Variants in PRH1 observed in about 807,000 individuals in gnomAD.
PRH1 encodes proline rich protein HaeIII subfamily 1, also known as salivary acidic proline-rich phosphoprotein 1/2.
Under a neutral mutation model 7.9 loss-of-function variants are expected in PRH1, and 7 were observed. That is an observed-to-expected ratio of 0.89 (90% CI 0.50 to 1.67). The LOEUF is 1.67. Among genes scored for constraint, PRH1 ranks in the 40% most tolerant of loss-of-function variants. PRH1 has a pLI of 0.00. For synonymous variants in PRH1, 45 were observed against 80.8 expected, an observed-to-expected ratio of 0.56 and a Z score of 2.38; for missense variants, 109 against 223.6, an observed-to-expected ratio of 0.49 and a Z score of 3.27.
In PRH1 at chr12:10,883,127, G is replaced by A. The variant is rs781202148; in HGVS notation, c.65-31C>T. Reference sequence around the variant, plus strand: ...AAAGAAGTACAGGATGATGGGAAAAGTTACTTCCTGAATCATTCAAGGCTC... The same window carrying A: ...AAAGAAGTACAGGATGATGGGAAAAATTACTTCCTGAATCATTCAAGGCTC... On this transcript the variant is annotated intron_variant, in intron 1 of 3. Coordinates refer to ENST00000543626, the MANE Select transcript of PRH1 (RefSeq NM_001393989.1). 1.9e-6 allele frequency: 3 copies of A among 1,607,918 alleles called. No individual in the cohort carries two copies. In the African/African-American group the frequency reaches 4.0e-5, roughly 22 times the overall value.
intron 1 of PRH1, among the ~76,000 whole-genome samples, chr12:11,002,488 A>C (rs1940640924): frequency 6.6e-6 from 1 of 152,056 alleles, no homozygotes; most frequent in Non-Finnish European, 1.5e-5. Flanking sequence ...AGTGCCCTAC[A>C]ACAAAGAGTA....
At chr12:10,917,618 A>G (rs544145263) in intron 2 of PRH1, among the ~76,000 whole-genome samples, 1 of 152,324 alleles carries the variant, frequency 6.6e-6, no homozygotes, top group African/African-American at 2.4e-5. Flanking sequence ...GCAGTTACGG[A>G]CAGTTTTCCT....
At chr12:11,135,046 G>A (rs976638764) in intron 1 of PRH1, among the ~76,000 whole-genome samples, 1 of 152,032 alleles carries the variant, frequency 6.6e-6, no homozygotes, top group African/African-American at 2.4e-5. Context: ...TTCAGCCCAC[G>A]AATAATGTTT....
intron 1 of PRH1, among the ~76,000 whole-genome samples, chr12:10,990,178 G>A (rs924912388): frequency 1.3e-5 from 2 of 152,160 alleles, no homozygotes; most frequent in African/African-American, 4.8e-5. Context: ...CACACCTATA[G>A]AGAACTCATG....
chr12:11,062,400 G>A (rs924352133), intron 1 of PRH1: 3 of 1,304,454 alleles, frequency 2.3e-6, no homozygotes, highest in East Asian at 2.5e-5. Flanking sequence ...ATTTGTGTAT[G>A]TGCTGTGACA....
At chr12:11,144,225 C>T (rs34000114) in intron 1 of PRH1, among the ~76,000 whole-genome samples, 66,680 of 151,690 alleles carry the variant, frequency 0.44, 15,467 homozygotes, top group Non-Finnish European at 0.51. Context: ...CAGGGCTAGG[C>T]ATGTCTGAGC....
At chr12:10,898,904 C>T (rs188127997) in intron 2 of PRH1, among the ~76,000 whole-genome samples, 10 of 152,234 alleles carry the variant, frequency 6.6e-5, no homozygotes, top group East Asian at 3.9e-4. Context: ...GTGACTGTTG[C>T]GGAGATGAGA....
At chr12:10,971,075 A>C (rs1353358868) in intron 2 of PRH1, among the ~76,000 whole-genome samples, 1 of 152,198 alleles carries the variant, frequency 6.6e-6, no homozygotes, top group Non-Finnish European at 1.5e-5. Flanking sequence ...AAGCACAGTA[A>C]GAGAAAAAGT....
rs777222102 is a variant in PRH1 at position 10,908,853 on chromosome 12, T to A, written c.-58-24578A>T. The A allele has an allele frequency of 6.8e-6, 11 of 1,613,302 alleles. No individual in the cohort carries two copies. The South Asian group carries it at 1.1e-4, about 16-fold the overall frequency. ...GTCCAGCCAGTCTTTTATATGCATG[T>A]TTATTTGTATCAGATTTAAAAATAA... On this transcript the variant is annotated intron_variant, in intron 2 of 3. Transcript: ENST00000539853.
chr12:11,132,364 G>A (rs183855325), intron 1 of PRH1, among the ~76,000 whole-genome samples: 1 of 149,854 alleles, frequency 6.7e-6, no homozygotes, highest in Non-Finnish European at 1.5e-5. Context: ...CGGAAGACTG[G>A]AGTTCTCTTA....
chr12:11,083,264 A>T lies in PRH1; in HGVS notation n.124-36076T>A, dbSNP rs1333925803. ...GAAGAAAAAAGGTGTCTAGCAAAATACAGATGCTCAAAATCTGATGTTTCA... is the reference window on the plus strand; with the variant it reads ...GAAGAAAAAAGGTGTCTAGCAAAATTCAGATGCTCAAAATCTGATGTTTCA... On this transcript the variant is annotated intron_variant and non_coding_transcript_variant, in intron 1 of 4. Transcript: ENST00000541977. Among the ~76,000 whole-genome samples the T allele has an allele frequency of 2.5e-5, 3 of 121,412 alleles. 1 individual carries two copies. In the Admixed American group the frequency reaches 2.6e-4, roughly 10 times the overall value. The allele number at this position is 121,412 out of a possible 152,430, so 79.7% of individuals were successfully genotyped here. A position where few individuals can be genotyped will look rare whatever the true frequency, so the allele number is the denominator to read the frequency against.
intron 2 of PRH1, among the ~76,000 whole-genome samples, chr12:10,932,852 T>C (rs879691968): frequency 6.6e-6 from 1 of 151,938 alleles, no homozygotes; most frequent in Non-Finnish European, 1.5e-5. Flanking sequence ...ATTTACACAA[T>C]AGTCAGAAAA....
chr12:11,098,359 T>C (rs1565651526), intron 1 of PRH1, among the ~76,000 whole-genome samples: 1 of 151,990 alleles, frequency 6.6e-6, no homozygotes, highest in Non-Finnish European at 1.5e-5. Context: ...ATGATCTCTT[T>C]ATGGAAAACA....
chr12:10,913,480 T>C (rs1949930360), intron 2 of PRH1, among the ~76,000 whole-genome samples: 1 of 152,120 alleles, frequency 6.6e-6, no homozygotes, highest in Non-Finnish European at 1.5e-5. Flanking sequence ...ATTTAGTATA[T>C]ATTAAAATGA....
chr12:11,070,687 G>A (rs1409149964), intron 1 of PRH1, among the ~76,000 whole-genome samples: 1 of 152,146 alleles, frequency 6.6e-6, no homozygotes, highest in Non-Finnish European at 1.5e-5. Flanking sequence ...CTGCAGACTC[G>A]TATGAAATTG....
upstream of PRH1, chr12:11,049,301 C>T: frequency 1.9e-6 from 1 of 525,438 alleles, no homozygotes; most frequent in Non-Finnish European, 2.9e-6. Context: ...CTTAATAACA[C>T]TGGTTGTGAT....
intron 1 of PRH1, among the ~76,000 whole-genome samples, chr12:11,103,439 A>T (rs1306108731): frequency 6.6e-6 from 1 of 151,902 alleles, no homozygotes; most frequent in Non-Finnish European, 1.5e-5. Flanking sequence ...TATCGCAAGG[A>T]CAGAAAACCA....
chr12:11,004,222 C>T (rs951062972), intron 1 of PRH1, among the ~76,000 whole-genome samples: 4 of 152,030 alleles, frequency 2.6e-5, no homozygotes, highest in African/African-American at 4.8e-5. Context: ...TGGCCAGGCA[C>T]GGTGGCTCAC....
chr12:11,028,862 T>G (rs1942042880), intron 1 of PRH1, among the ~76,000 whole-genome samples: 1 of 150,492 alleles, frequency 6.6e-6, no homozygotes, highest in Non-Finnish European at 1.5e-5. Context: ...AGGATTCTGC[T>G]TGGATAAGCC....
Sources: allele counts gnomAD v4.1 joint callset (sites outside exome capture counted in the v4.1 genomes callset), GRCh38; gene constraint gnomAD v4.1.1; transcripts MANE v1.5; gene names NCBI Gene and HGNC (gene_info 2026-07-23, HGNC 2026-07-21).